The following LRRFIP1 variants were observed in gnomAD, a reference collection of about 807,000 sequenced individuals.
LRRFIP1 encodes LRR binding FLII interacting protein 1, also known as leucine-rich repeat flightless-interacting protein 1.
LRRFIP1 carries 62 observed loss-of-function variants against 104.4 expected under a neutral mutation model. The observed-to-expected ratio is 0.59, with a 90% CI of 0.48 to 0.73. The LOEUF is 0.73. Ranked by LOEUF, LRRFIP1 falls within the 30% of genes least tolerant of loss-of-function variation. LRRFIP1 has a pLI of 0.00. For missense variants in LRRFIP1, 796 were observed against 824.5 expected (o/e 0.97, Z 0.42); for synonymous variants, 300 against 299.0 (o/e 1.00, Z -0.03).
Position 237,764,235 on chromosome 2 carries a change from TA to T in LRRFIP1, c.1459+4031del, listed in dbSNP as rs917690025. Reference sequence around the variant, plus strand: ...ATGTAAGTAGAATGTTCTAAATTCATAGAGAGGCACTGTATGACAATTACCA... The same window carrying T: ...ATGTAAGTAGAATGTTCTAAATTCATGAGAGGCACTGTATGACAATTACCA... On this transcript the variant is annotated intron_variant, in intron 19 of 23. Transcript: ENST00000308482. 10 of 1,610,718 alleles carry T rather than the reference TA, an allele frequency of 6.2e-6. No homozygotes were observed. In the African/African-American group the frequency reaches 1.3e-4, roughly 21 times the overall value.
chr2:237,744,080 G>A (rs919508627), intron 11 of LRRFIP1, among the ~76,000 whole-genome samples: 3 of 152,200 alleles, frequency 2.0e-5, no homozygotes, highest in Non-Finnish European at 4.4e-5. Context: ...AAGAGGCAGG[G>A]GCAGGGACCA....
intron 1 of LRRFIP1, among the ~76,000 whole-genome samples, chr2:237,702,293 T>C (rs1413867164): frequency 1.3e-5 from 2 of 152,168 alleles, no homozygotes; most frequent in African/African-American, 2.4e-5. Flanking sequence ...ACTTTGATAG[T>C]AAATGGAATC....
At chr2:237,667,001 T>C (rs1416421744) in intron 1 of LRRFIP1, among the ~76,000 whole-genome samples, 3 of 151,904 alleles carry the variant, frequency 2.0e-5, no homozygotes, top group Admixed American at 1.3e-4. Context: ...TTTTCACAGA[T>C]AGCTTGTTTC....
At chr2:237,739,380 C>A in intron 11 of LRRFIP1, 71 bp downstream of exon 11, 1 of 1,287,754 alleles carries the variant, frequency 7.8e-7, no homozygotes, top group Non-Finnish European at 1.1e-6. Context: ...CCTCCTCTTC[C>A]AACGTCTCCA....
At chr2:237,739,379 C>T in intron 11 of LRRFIP1, 70 bp downstream of exon 11, 1 of 1,291,088 alleles carries the variant, frequency 7.7e-7, no homozygotes, top group Middle Eastern at 1.8e-4. Context: ...TCCTCCTCTT[C>T]CAACGTCTCC....
At chr2:237,771,567 C>G (rs867310244) in intron 20 of LRRFIP1, among the ~76,000 whole-genome samples, 2 of 88,320 alleles carry the variant, frequency 2.3e-5, no homozygotes, top group African/African-American at 1.1e-4. Context: ...CCCCCCCCCG[C>G]CCAGATACCA....
rs556227152 is a variant in LRRFIP1 at position 237,713,329 on chromosome 2, G to T, written c.184-930G>T. 9.8e-5 allele frequency among the ~76,000 whole-genome samples: 15 copies of T among 152,288 alleles called. No homozygotes were observed. In the South Asian group the frequency reaches 3.1e-3, roughly 32 times the overall value. On this transcript the variant is annotated intron_variant, in intron 2 of 23. Coordinates refer to ENST00000308482, the MANE Select transcript of LRRFIP1 (RefSeq NM_001137550.2). ...GCTGCGTTCCGGGGTCTGTTTAAAA[G>T]GATATGAGCTCTTTTTTAATGGATT...
At chr2:237,749,447 A>G (rs2058303640) in intron 13 of LRRFIP1, 123 bp downstream of exon 13, 3 of 1,151,246 alleles carry the variant, frequency 2.6e-6, no homozygotes, top group East Asian at 2.6e-5. Flanking sequence ...TCTCTCCCTC[A>G]CCTCCCCTAA....
chr2:237,653,787 G>A (rs962893929), intron 1 of LRRFIP1, among the ~76,000 whole-genome samples: 1 of 152,072 alleles, frequency 6.6e-6, no homozygotes, highest in African/African-American at 2.4e-5. Flanking sequence ...GTGATGTTGG[G>A]GAAAACTGTC....
intron 1 of LRRFIP1, among the ~76,000 whole-genome samples, chr2:237,665,972 A>G (rs574703891): frequency 6.6e-6 from 1 of 152,252 alleles, no homozygotes; most frequent in Non-Finnish European, 1.5e-5. Context: ...CAAAGCACCC[A>G]GGAGCTCACG....
At chr2:237,631,852 T>A (rs1210372124) in intron 1 of LRRFIP1, among the ~76,000 whole-genome samples, 1 of 152,240 alleles carries the variant, frequency 6.6e-6, no homozygotes, top group African/African-American at 2.4e-5. Context: ...GTGAGCTTAT[T>A]ATCCCCTGGT....
intron 7 of LRRFIP1, among the ~76,000 whole-genome samples, chr2:237,727,318 T>G (rs1194936923): frequency 6.8e-6 from 1 of 147,100 alleles, no homozygotes; most frequent in Non-Finnish European, 1.5e-5. Context: ...CTCACACTAC[T>G]GCATTCTAGC....
intron 23 of LRRFIP1, among the ~76,000 whole-genome samples, chr2:237,776,677 G>A (rs776175609): frequency 1.3e-5 from 2 of 152,038 alleles, no homozygotes; most frequent in African/African-American, 2.4e-5. Context: ...GGTCCCTGCT[G>A]CTGTTGACCT....
At chr2:237,646,709 G>A (rs6757425) in intron 1 of LRRFIP1, among the ~76,000 whole-genome samples, 92,965 of 151,630 alleles carry the variant, frequency 0.61, 29,767 homozygotes, top group African/African-American at 0.77. Context: ...CTCTGCCTCC[G>A]CATGCACACA....
chr2:237,738,547 A>G (rs1057307187), intron 10 of LRRFIP1, among the ~76,000 whole-genome samples: 2 of 152,222 alleles, frequency 1.3e-5, no homozygotes, highest in African/African-American at 4.8e-5. Context: ...GCTCAGGAAG[A>G]ATATGAGAAT....
chr2:237,699,475 C>T (rs1238554005), intron 1 of LRRFIP1, among the ~76,000 whole-genome samples: 1 of 151,832 alleles, frequency 6.6e-6, no homozygotes, highest in African/African-American at 2.4e-5. Context: ...GCCTCAGCCT[C>T]CTGAGTAGCT....
At chr2:237,652,861 GTGTCCCCACCCAA>G (rs2086162284) in intron 1 of LRRFIP1, among the ~76,000 whole-genome samples, 2 of 152,196 alleles carry the variant, frequency 1.3e-5, no homozygotes, top group Non-Finnish European at 2.9e-5. Context: ...GTTTGGCCCT[GTGTCCCCACCCAA>G]ATCTCATGTT....
chr2:237,630,859 G>A (rs2082245577), intron 1 of LRRFIP1, among the ~76,000 whole-genome samples: 1 of 152,244 alleles, frequency 6.6e-6, no homozygotes, highest in South Asian at 2.1e-4. Context: ...AGGCCAGCTG[G>A]CCTTGGCTTT....
At chr2:237,746,154 G>C (rs1230919376) in intron 11 of LRRFIP1, among the ~76,000 whole-genome samples, 3 of 151,504 alleles carry the variant, frequency 2.0e-5, no homozygotes, top group Non-Finnish European at 4.4e-5. Context: ...TACCTCCTGG[G>C]TTCAAGAGAT....
Sources: gnomAD v4.1 joint callset for allele counts (sites outside exome capture counted in the v4.1 genomes callset) on GRCh38, gnomAD v4.1.1 for gene constraint, MANE v1.5 for transcripts, NCBI Gene and HGNC (gene_info 2026-07-23, HGNC 2026-07-21) for gene names.